Variants in ZNF536 observed in about 807,000 individuals in gnomAD.
ZNF536 encodes zinc finger protein 536.
A neutral mutation model predicts 84.5 loss-of-function variants in ZNF536; 13 were observed. That is an observed-to-expected ratio of 0.15 (90% CI 0.10 to 0.24). The LOEUF (loss-of-function observed/expected upper bound fraction) is 0.24. Ranked by LOEUF, ZNF536 falls within the 10% of genes least tolerant of loss-of-function variation. The pLI is 1.00. For missense variants in ZNF536, 1,536 were observed against 1,747.5 expected (o/e 0.88, Z 2.16); for synonymous variants, 811 against 742.5 (o/e 1.09, Z -1.50).
At chr19:30,507,127 G>A (rs2055207148) in intron 2 of ZNF536, among the ~76,000 whole-genome samples, 1 of 152,164 alleles carries the variant, frequency 6.6e-6, no homozygotes, top group African/African-American at 2.4e-5. Context: ...TTCAGGAGGT[G>A]GAGGCGGGTG....
intron 1 of ZNF536, among the ~76,000 whole-genome samples, chr19:30,414,167 C>A (rs1662688455): frequency 6.8e-6 from 1 of 146,172 alleles, no homozygotes; most frequent in African/African-American, 2.5e-5. Context: ...TTATATGATA[C>A]TACTATTTCA....
At chr19:30,256,958 A>G (rs779100113) in intron 1 of ZNF536, among the ~76,000 whole-genome samples, 8 of 152,216 alleles carry the variant, frequency 5.3e-5, no homozygotes, top group Non-Finnish European at 1.2e-4. Flanking sequence ...CAAAACTAAA[A>G]TGATATTTTA....
chr19:30,693,029 A>G (rs1410131323), intron 1 of ZNF536, among the ~76,000 whole-genome samples: 4 of 151,142 alleles, frequency 2.6e-5, no homozygotes, highest in South Asian at 2.1e-4. Flanking sequence ...GGGGGGAGAG[A>G]GAGAGAGAGA....
chr19:30,464,232 C>T (rs899802197), intron 2 of ZNF536, among the ~76,000 whole-genome samples: 39 of 152,148 alleles, frequency 2.6e-4, no homozygotes, highest in Non-Finnish European at 5.1e-4. Flanking sequence ...ATTAGGGGTG[C>T]AGGCCTGGGG....
chr19:30,456,497 C>T (rs937984834), intron 2 of ZNF536, among the ~76,000 whole-genome samples: 5 of 152,108 alleles, frequency 3.3e-5, no homozygotes, highest in South Asian at 2.1e-4. Context: ...CTGTGTGCTG[C>T]GGCTCTAGAC....
intron 1 of ZNF536, among the ~76,000 whole-genome samples, chr19:30,276,304 C>T (rs10412782): frequency 0.33 from 49,449 of 151,984 alleles, 10,033 homozygotes; most frequent in East Asian, 0.61. Flanking sequence ...CCCAGTGGAA[C>T]GGAGAGTTAA....
chr19:30,276,669 G>A (rs2026149478), intron 1 of ZNF536, among the ~76,000 whole-genome samples: 1 of 152,114 alleles, frequency 6.6e-6, no homozygotes, highest in African/African-American at 2.4e-5. Context: ...GTTAGCTATG[G>A]AACAATTAGG....
intron 1 of ZNF536, among the ~76,000 whole-genome samples, chr19:30,664,280 C>T (rs553191071): frequency 6.8e-6 from 1 of 146,986 alleles, no homozygotes; most frequent in East Asian, 2.1e-4. Context: ...CTCTCTCCCT[C>T]TCTCAGCAGC....
chr19:30,700,751 G>A (rs1205815205), intron 1 of ZNF536, among the ~76,000 whole-genome samples: 1 of 152,188 alleles, frequency 6.6e-6, no homozygotes, highest in African/African-American at 2.4e-5. Flanking sequence ...ATGGTCAAAT[G>A]TATCCAATTG....
intron 1 of ZNF536, among the ~76,000 whole-genome samples, chr19:30,423,833 C>T (rs1047432995): frequency 4.3e-5 from 6 of 140,952 alleles, no homozygotes; most frequent in African/African-American, 1.3e-4. Flanking sequence ...CTGCGAAGGA[C>T]GTCAGGGAGG....
intron 1 of ZNF536, among the ~76,000 whole-genome samples, chr19:30,700,741 A>G (rs1443913355): frequency 3.3e-5 from 5 of 152,176 alleles, no homozygotes; most frequent in African/African-American, 7.2e-5. Context: ...AATGTATCCA[A>G]TGGTCAAATG....
intron 1 of ZNF536, among the ~76,000 whole-genome samples, chr19:30,438,156 C>T (rs2148064062): frequency 6.6e-6 from 1 of 152,162 alleles, no homozygotes; most frequent in East Asian, 1.9e-4. Context: ...GGGTATATTG[C>T]ATAATGCTGG....
chr19:30,245,861 C>A (rs1478892320), intron 1 of ZNF536, among the ~76,000 whole-genome samples: 2 of 152,260 alleles, frequency 1.3e-5, no homozygotes, highest in East Asian at 3.8e-4. Flanking sequence ...GCCACGCAGT[C>A]CCTGCTGCAG....
At chr19:30,425,483 T>G (rs983228147) in intron 1 of ZNF536, among the ~76,000 whole-genome samples, 3 of 152,170 alleles carry the variant, frequency 2.0e-5, no homozygotes, top group African/African-American at 7.2e-5. Flanking sequence ...CAGGTGCTGT[T>G]TGATCCAGGG....
intron 1 of ZNF536, among the ~76,000 whole-genome samples, chr19:30,253,936 T>C (rs1026691627): frequency 3.9e-5 from 6 of 152,104 alleles, no homozygotes; most frequent in East Asian, 3.9e-4. Context: ...ACTTTTTTTT[T>C]CCCCTTCCAA....
At chr19:30,378,253 G>A (rs563804487) in intron 1 of ZNF536, among the ~76,000 whole-genome samples, 10 of 152,246 alleles carry the variant, frequency 6.6e-5, no homozygotes, top group South Asian at 2.1e-4. Context: ...AACTGCCTCC[G>A]TGGTTCAAGC....
At chr19:30,415,284 C>CCTCCTTCTTCTTCTTCTTCTTCTTCTT (rs1555750650) in intron 1 of ZNF536, among the ~76,000 whole-genome samples, 2 of 120,068 alleles carry the variant, frequency 1.7e-5, no homozygotes, top group Non-Finnish European at 3.4e-5. Flanking sequence ...TCCTCCTCCT[C>CCTCCTTCTTCTTCTTCTTCTTCTTCTT]CTTCTTCTTC....
intron 1 of ZNF536, among the ~76,000 whole-genome samples, chr19:30,705,309 A>ATG (rs56199909): frequency 0.074 from 10,996 of 149,138 alleles, 399 homozygotes; most frequent in East Asian, 0.16. Context: ...ACTCAGAAAG[A>ATG]TGTGTGTGTG....
chr19:30,343,142 G>GT (rs1340804192), intron 2 of ZNF536, among the ~76,000 whole-genome samples: 2 of 152,180 alleles, frequency 1.3e-5, no homozygotes, highest in African/African-American at 4.8e-5. Context: ...CTCCAAGCTT[G>GT]CCTGGGAACA....
Sources: gnomAD v4.1 joint callset for allele counts (sites outside exome capture counted in the v4.1 genomes callset) on GRCh38, gnomAD v4.1.1 for gene constraint, MANE v1.5 for transcripts, NCBI Gene and HGNC (gene_info 2026-07-23, HGNC 2026-07-21) for gene names.